The following ABCC11 variants were observed in gnomAD, a reference collection of about 807,000 sequenced individuals.
ABCC11 encodes the protein ATP-binding cassette sub-family C member 11.
A neutral mutation model predicts 149.3 loss-of-function variants in ABCC11; 135 were observed. The observed-to-expected ratio is 0.90, with a 90% CI of 0.79 to 1.04. The LOEUF is 1.04. Among genes scored for constraint, ABCC11 ranks in the 50% least tolerant of loss-of-function variants. The probability of loss-of-function intolerance (pLI) is 0.00; values close to 1 mark genes in which losing one functional copy is unlikely to be tolerated. For missense variants in ABCC11, 1,680 were observed against 1,722.1 expected, an observed-to-expected ratio of 0.98 and a Z score of 0.43; for synonymous variants, 665 against 671.4, an observed-to-expected ratio of 0.99 and a Z score of 0.15.
chr16:48,213,565 G>T lies in ABCC11; in HGVS notation c.1249-15C>A. On this transcript the variant is annotated splice_polypyrimidine_tract_variant and intron_variant, in intron 9 of 29. Transcript: ENST00000356608. ...ATGCTGAAGGCCTGGATAAGAAGGG[G>T]AGGAGGTGGTGAGGGTCGTGGCCCT... The T allele has an allele frequency of 6.2e-7, 1 of 1,600,726 alleles. No homozygotes were observed. Among genetic ancestry groups the T allele is most frequent in the Non-Finnish European group, 8.5e-7 (1 of 1,173,178 alleles).
rs906849656 is a variant in ABCC11 at position 48,200,585 on chromosome 16, A to T, written c.1879-106T>A. 2.7e-6 allele frequency: 3 copies of T among 1,110,974 alleles called. No homozygotes were observed. In the African/African-American group the frequency reaches 4.7e-5, roughly 17 times the overall value. The allele number at this position is 1,110,974 out of a possible 1,614,324, so 68.8% of individuals were successfully genotyped here. ...GACAGAACCCCCTCAGTACAGACCAAGATATGCACACACTCCAGGATACCT... is the reference window on the plus strand; with the variant it reads ...GACAGAACCCCCTCAGTACAGACCATGATATGCACACACTCCAGGATACCT... On this transcript the variant is annotated intron_variant, in intron 14 of 29. Coordinates refer to ENST00000356608, the MANE Select transcript of ABCC11 (RefSeq NM_001370497.1).
chr16:48,219,422 C>T (rs771504454), intron 6 of ABCC11, among the ~76,000 whole-genome samples: 22 of 152,062 alleles, frequency 1.4e-4, no homozygotes, highest in Non-Finnish European at 2.9e-4. Flanking sequence ...TCATCCAACT[C>T]GGCATCCCAA....
At chr16:48,246,420 T>A (rs1324199254) in intron 1 of ABCC11, among the ~76,000 whole-genome samples, 1 of 152,218 alleles carries the variant, frequency 6.6e-6, no homozygotes, top group Non-Finnish European at 1.5e-5. Context: ...GCAAGAGTGG[T>A]CATTATTAGA....
intron 22 of ABCC11, 148 bp downstream of exon 22, chr16:48,186,805 G>A (rs571972424): frequency 4.0e-6 from 4 of 1,001,362 alleles, no homozygotes; most frequent in East Asian, 5.0e-5. Flanking sequence ...GGTTCAGCAG[G>A]TTCTGGAGGC....
chr16:48,246,909 C>A (rs1047269837), intron 1 of ABCC11, among the ~76,000 whole-genome samples: 6 of 138,272 alleles, frequency 4.3e-5, no homozygotes, highest in African/African-American at 1.6e-4. Context: ...CCCTCCAAAG[C>A]AACAATCCTC....
chr16:48,239,485 C>G (rs1021641375), intron 1 of ABCC11, among the ~76,000 whole-genome samples: 1 of 150,546 alleles, frequency 6.6e-6, no homozygotes, highest in Admixed American at 6.6e-5. Flanking sequence ...TGGCGTGAAC[C>G]CAGGAGGCGG....
intron 22 of ABCC11, among the ~76,000 whole-genome samples, chr16:48,185,491 C>T (rs1349304810): frequency 6.6e-6 from 1 of 152,136 alleles, no homozygotes; most frequent in African/African-American, 2.4e-5. Flanking sequence ...TATTATTTTA[C>T]TTGCTTTGTT....
chr16:48,241,696 G>C (rs1390767812), intron 1 of ABCC11, among the ~76,000 whole-genome samples: 1 of 152,136 alleles, frequency 6.6e-6, no homozygotes, highest in East Asian at 1.9e-4. Flanking sequence ...CCAAAACAGA[G>C]ATATAGACCA....
At chr16:48,178,876 G>A (rs191038216) in intron 23 of ABCC11, among the ~76,000 whole-genome samples, 190 bp from the exon 24 acceptor site, 24 of 152,252 alleles carry the variant, frequency 1.6e-4, no homozygotes, top group Middle Eastern at 3.4e-3. Context: ...CTGCAGCTGC[G>A]ATGGGCAATT....
intron 20 of ABCC11, among the ~76,000 whole-genome samples, chr16:48,189,510 G>T (rs186407677): frequency 6.2e-4 from 95 of 152,232 alleles, no homozygotes; most frequent in African/African-American, 2.1e-3. Flanking sequence ...AAACTACAAA[G>T]ACAAATTTAA....
intron 1 of ABCC11, chr16:48,244,206 T>C: frequency 1.9e-6 from 1 of 516,732 alleles, no homozygotes; most frequent in Non-Finnish European, 3.4e-6. Context: ...GCTCAAGTCT[T>C]ACCGGGAGGC....
chr16:48,207,289 C>T (rs911150707), intron 12 of ABCC11, among the ~76,000 whole-genome samples: 3 of 152,044 alleles, frequency 2.0e-5, no homozygotes, highest in East Asian at 1.9e-4. Flanking sequence ...GCATAGCAGG[C>T]GTCATGGGTG....
Position 48,198,199 on chromosome 16 carries a change from A to T in ABCC11, c.2159T>A (p.Met720Lys), listed in dbSNP as rs1967618800. 1 of 1,614,104 alleles carries T rather than the reference A, an allele frequency of 6.2e-7. No homozygotes were observed. Among genetic ancestry groups the T allele is most frequent in the African/African-American group, 1.3e-5 (1 of 74,936 alleles). ...TTGGGCATATTTCCCCTTTTTCTGC[A>T]TTAACTCACTGTGAGTTCCATTTTC... ...ICENGTHSEL[M>K]QKKGKYAQLI... The change falls in exon 16 of 30, where the codon ATG (methionine) becomes AAG (lysine). Residue 720 changes from methionine to lysine, a missense_variant. Coordinates refer to ENST00000356608, the MANE Select transcript of ABCC11 (RefSeq NM_001370497.1).
In ABCC11 at chr16:48,182,143, C is replaced by T. The variant is rs530003801; in HGVS notation, c.3258+2297G>A. ...CAAAATAACAGCTCAGCATGGAGGA[C>T]TGATACATGTGCTCATGGACATACA... On this transcript the variant is annotated intron_variant, in intron 23 of 29. Coordinates refer to ENST00000356608, the MANE Select transcript of ABCC11 (RefSeq NM_001370497.1). 3.3e-5 allele frequency among the ~76,000 whole-genome samples: 5 copies of T among 152,346 alleles called. No individual in the cohort carries two copies. The South Asian group carries it at 1.0e-3, about 32-fold the overall frequency.
At chr16:48,178,254 T>C (rs1419994989) in intron 24 of ABCC11, among the ~76,000 whole-genome samples, 2 of 152,248 alleles carry the variant, frequency 1.3e-5, no homozygotes, top group Admixed American at 1.3e-4. Flanking sequence ...ACAGAATCTG[T>C]GCTCTTAACC....
intron 23 of ABCC11, 64 bp from the exon 24 acceptor site, chr16:48,178,750 C>T (rs893928272): frequency 2.9e-6 from 4 of 1,388,264 alleles, no homozygotes; most frequent in Non-Finnish European, 4.1e-6. Context: ...CTCTTCAACG[C>T]TCCTGATAAC....
At chr16:48,222,460 T>C in intron 6 of ABCC11, 138 bp downstream of exon 6, 1 of 720,512 alleles carries the variant, frequency 1.4e-6, no homozygotes, top group Non-Finnish European at 2.3e-6. Context: ...TTATCCACAC[T>C]CAACCTAGGA....
chr16:48,167,569 G>C lies in ABCC11; in HGVS notation c.3983C>G (p.Thr1328Ser). ...GACACGGTGGGCAATGACGAGCACG[G>C]TGCAGCCCTGGAAGGCTTCACGGAT... is the stretch of plus-strand genomic sequence containing the variant. ...RTIREAFQGCTVLVIAHRVTT... is the reference protein window; with the variant it reads ...RTIREAFQGCSVLVIAHRVTT... The change falls in exon 29 of 30, where the codon ACC becomes AGC. Residue 1328 changes from threonine to serine, a missense_variant. Thr to Ser is a moderately conservative substitution (Grantham distance 58). Coordinates refer to ENST00000356608, the MANE Select transcript of ABCC11 (RefSeq NM_001370497.1). The C allele has an allele frequency of 4.3e-6, 7 of 1,614,138 alleles. No homozygotes were observed. The highest frequency in any genetic ancestry group is 5.1e-6 in the Non-Finnish European group (6 of 1,180,030).
intron 22 of ABCC11, among the ~76,000 whole-genome samples, chr16:48,184,892 C>T (rs1439661005): frequency 6.6e-6 from 1 of 152,238 alleles, no homozygotes; most frequent in African/African-American, 2.4e-5. Flanking sequence ...CTCTGTGACT[C>T]ACTCAGGGAT....
Sources: gnomAD v4.1 joint callset for allele counts (sites outside exome capture counted in the v4.1 genomes callset) on GRCh38, gnomAD v4.1.1 for gene constraint, MANE v1.5 for transcripts, NCBI Gene and HGNC (gene_info 2026-07-23, HGNC 2026-07-21) for gene names.